Variants in PTBP2 observed in about 807,000 individuals in gnomAD.
PTBP2 encodes polypyrimidine tract binding protein 2.
A neutral mutation model predicts 61.4 loss-of-function variants in PTBP2; 13 were observed. The ratio of observed to expected loss-of-function variants is 0.21; its 90% CI spans 0.14 to 0.34. The LOEUF (loss-of-function observed/expected upper bound fraction) is 0.34, where lower values mean the gene tolerates loss of function less well. Ranked by LOEUF, PTBP2 falls within the 10% of genes least tolerant of loss-of-function variation. The pLI is 1.00. For synonymous variants in PTBP2, 215 were observed against 218.5 expected (o/e 0.98, Z 0.14); for missense variants, 405 against 642.6 (o/e 0.63, Z 4.00).
intron 2 of PTBP2, among the ~76,000 whole-genome samples, chr1:96,729,612 G>T (rs1435170164): frequency 6.6e-6 from 1 of 151,976 alleles, no homozygotes; most frequent in African/African-American, 2.4e-5. Context: ...ATAGATATAG[G>T]GCTATTCAGT....
chr1:96,805,420 C>T (rs1255591041), intron 9 of PTBP2, among the ~76,000 whole-genome samples: 1 of 152,058 alleles, frequency 6.6e-6, no homozygotes, highest in African/African-American at 2.4e-5. Flanking sequence ...TGACGAGGCA[C>T]TCTTCCCGTC....
chr1:96,776,385 G>A (rs1048520460), intron 5 of PTBP2, among the ~76,000 whole-genome samples: 2 of 151,804 alleles, frequency 1.3e-5, no homozygotes, highest in African/African-American at 2.4e-5. Flanking sequence ...TCAAAATGTT[G>A]AGTTTTAATT....
intron 2 of PTBP2, among the ~76,000 whole-genome samples, chr1:96,747,756 A>C (rs1355775462): frequency 6.6e-6 from 1 of 152,070 alleles, no homozygotes; most frequent in Admixed American, 6.5e-5. Flanking sequence ...TCACTGGGCC[A>C]AGTTTCTTTC....
downstream of PTBP2, chr1:96,818,815 C>A (rs963865956): frequency 2.0e-5 from 3 of 151,960 alleles, no homozygotes; most frequent in Non-Finnish European, 4.4e-5. Flanking sequence ...CTAGTTTTAA[C>A]CAGCTGTTTT....
chr1:96,763,629 A>AGGGGGG (rs1656309111), intron 3 of PTBP2, among the ~76,000 whole-genome samples: 2 of 72,760 alleles, frequency 2.7e-5, no homozygotes, highest in African/African-American at 5.4e-5. Context: ...GGGGAGGGGG[A>AGGGGGG]GGGCTGTTCT....
At chr1:96,804,083 A>G (rs1336772488) in intron 8 of PTBP2, among the ~76,000 whole-genome samples, 1 of 152,216 alleles carries the variant, frequency 6.6e-6, no homozygotes, top group Non-Finnish European at 1.5e-5. Flanking sequence ...GAACAATAAA[A>G]TAAGAAGGAA....
At chr1:96,801,939 C>T (rs1003418441) in intron 8 of PTBP2, among the ~76,000 whole-genome samples, 1 of 151,298 alleles carries the variant, frequency 6.6e-6, no homozygotes, top group Non-Finnish European at 1.5e-5. Context: ...AGGCCGGGCG[C>T]GGTGGCTCAT....
rs77221249 is a variant in PTBP2, at chr1:96,772,832, G to A, written c.432+1981G>A. Among the ~76,000 whole-genome samples, 11 of 152,102 alleles carry A rather than the reference G, an allele frequency of 7.2e-5. No individual in the cohort carries two copies. In the East Asian group the frequency reaches 1.5e-3, roughly 21 times the overall value. Reference sequence around the variant, plus strand: ...GAACATGTAAAGAATAAAGCTGGGGGCTGGGCTTGGTGGCTTATACTGGTA... The same window carrying A: ...GAACATGTAAAGAATAAAGCTGGGGACTGGGCTTGGTGGCTTATACTGGTA... On this transcript the variant is annotated intron_variant, in intron 5 of 13. Coordinates refer to ENST00000674951, the MANE Select transcript of PTBP2 (RefSeq NM_021190.4).
intron 2 of PTBP2, among the ~76,000 whole-genome samples, chr1:96,748,880 CT>C (rs1338180060): frequency 1.3e-5 from 2 of 152,078 alleles, no homozygotes; most frequent in Admixed American, 6.6e-5. Context: ...TGAATCACTT[CT>C]TTTGGGCATA....
chr1:96,751,642 A>G (rs557422171), intron 3 of PTBP2, 142 bp downstream of exon 3: 77 of 540,180 alleles, frequency 1.4e-4, no homozygotes, highest in Non-Finnish European at 2.2e-4. Flanking sequence ...TTACTAAAGT[A>G]TATATGAGCC....
rs1219410703 is a variant in PTBP2, at chr1:96,813,508, GT to G, written c.*110del. ...CCAGAGTTTGATTTTTTTTGTTTTT[GT>G]TTTTTTGGGGTTTCTTTTTTTTTTC... On this transcript the variant is annotated 3_prime_UTR_variant, in exon 14 of 14. Transcript: ENST00000674951. The G allele has an allele frequency of 9.4e-6, 11 of 1,169,668 alleles. No homozygotes were observed. The Admixed American group carries it at 1.2e-4, about 13-fold the overall frequency. 72.5% of individuals were successfully genotyped at this position (1,169,668 alleles called of 1,614,324 possible).
At chr1:96,805,226 TTTG>T in intron 9 of PTBP2, among the ~76,000 whole-genome samples, 1 of 152,280 alleles carries the variant, frequency 6.6e-6, no homozygotes, top group Admixed American at 6.5e-5. Flanking sequence ...GGCTTATCTT[TTTG>T]TTGTTCTCAA....
At chr1:96,761,853 G>C (rs1002552575) in intron 3 of PTBP2, among the ~76,000 whole-genome samples, 7 of 152,052 alleles carry the variant, frequency 4.6e-5, no homozygotes, top group African/African-American at 1.7e-4. Flanking sequence ...AGTGAACAAA[G>C]GTCTCTGGTT....
At chr1:96,810,431 A>C (rs2101245504) in intron 11 of PTBP2, among the ~76,000 whole-genome samples, 1 of 152,232 alleles carries the variant, frequency 6.6e-6, no homozygotes, top group South Asian at 2.1e-4. Context: ...TCTAATTATC[A>C]TCCCCCTTCC....
intron 2 of PTBP2, among the ~76,000 whole-genome samples, chr1:96,726,074 CAAAAAAAAAAAAAAAAAAAAA>C (rs762152365): frequency 2.8e-4 from 15 of 54,190 alleles, no homozygotes; most frequent in African/African-American, 3.8e-4. Flanking sequence ...GACTCTATCT[CAAAAAAAAAAAAAAAAAAAAA>C]AAAAAAAAAA....
intron 2 of PTBP2, among the ~76,000 whole-genome samples, chr1:96,736,868 C>G (rs1221792927): frequency 1.3e-5 from 2 of 151,550 alleles, no homozygotes; most frequent in Non-Finnish European, 2.9e-5. Flanking sequence ...TTTGTAGAGA[C>G]AGCGTCTCGC....
chr1:96,724,895 C>T (rs1227761442), intron 2 of PTBP2, among the ~76,000 whole-genome samples: 1 of 152,064 alleles, frequency 6.6e-6, no homozygotes, highest in African/African-American at 2.4e-5. Context: ...ATGTGGTGTT[C>T]TTTCAAATAC....
At chr1:96,781,320 T>C (rs1228789158) in intron 7 of PTBP2, among the ~76,000 whole-genome samples, 2 of 151,986 alleles carry the variant, frequency 1.3e-5, no homozygotes, top group Middle Eastern at 3.2e-3. Context: ...CGTCAAGTCA[T>C]ATTGCTTCTA....
intron 2 of PTBP2, among the ~76,000 whole-genome samples, chr1:96,733,757 T>C (rs922020663): frequency 1.3e-5 from 2 of 152,196 alleles, no homozygotes; most frequent in African/African-American, 4.8e-5. Context: ...GGTCCACTTA[T>C]GCATAGATCC....
Sources: allele counts gnomAD v4.1 joint callset (sites outside exome capture counted in the v4.1 genomes callset), GRCh38; gene constraint gnomAD v4.1.1; transcripts MANE v1.5; gene names NCBI Gene and HGNC (gene_info 2026-07-23, HGNC 2026-07-21).